Variants in MCPH1 observed in about 807,000 individuals in gnomAD.
MCPH1 encodes microcephalin.
MCPH1 carries 104 observed loss-of-function variants against 84.5 expected under a neutral mutation model. The observed-to-expected ratio is 1.23, with a 90% CI of 1.05 to 1.45. The LOEUF (loss-of-function observed/expected upper bound fraction) is 1.45, where lower values mean the gene tolerates loss of function less well. Ranked by LOEUF, MCPH1 falls within the 40% of genes most tolerant of loss-of-function variation. MCPH1 has a pLI of 0.00. For synonymous variants in MCPH1, 514 were observed against 366.8 expected, an observed-to-expected ratio of 1.40 and a Z score of -4.58; for missense variants, 1,498 against 1,005.7, an observed-to-expected ratio of 1.49 and a Z score of -6.62.
intron 2 of MCPH1, among the ~76,000 whole-genome samples, chr8:6,413,672 G>A (rs2440442): frequency 0.91 from 136,743 of 151,028 alleles, 63,000 homozygotes; most frequent in East Asian, 1. Context: ...TTTTACTTAT[G>A]TCATCTTTTC....
At chr8:6,562,058 C>T (rs754716826) in intron 12 of MCPH1, among the ~76,000 whole-genome samples, 1 of 152,196 alleles carries the variant, frequency 6.6e-6, no homozygotes, top group African/African-American at 2.4e-5. Context: ...ACGGCAAGCC[C>T]TTAGTGGTAG....
intron 12 of MCPH1, among the ~76,000 whole-genome samples, chr8:6,545,295 G>T (rs1014429367): frequency 6.6e-6 from 1 of 152,142 alleles, no homozygotes; most frequent in South Asian, 2.1e-4. Context: ...ATTTTTAAAA[G>T]TTATCAAGCT....
chr8:6,576,739 GT>G lies in MCPH1; in HGVS notation c.2215-44711del, dbSNP rs774988953. On this transcript the variant is annotated intron_variant, in intron 12 of 13. Transcript: ENST00000344683. ...TTTTTTTTTTTTTTAGTAGAGATGG[GT>G]TTTCACCATATTGGTCAGGGTGGTC... Among the ~76,000 whole-genome samples, 64 of 89,740 alleles carry G rather than the reference GT, an allele frequency of 7.1e-4. 1 individual carries two copies. The East Asian group carries it at 0.02, about 28-fold the overall frequency. The allele number at this position is 89,740 out of a possible 152,430, so 58.9% of individuals were successfully genotyped here.
intron 3 of MCPH1, among the ~76,000 whole-genome samples, chr8:6,426,929 C>T (rs902373305): frequency 6.6e-5 from 10 of 152,084 alleles, no homozygotes; most frequent in African/African-American, 2.2e-4. Context: ...TCAGGTATTG[C>T]TTGACGACAG....
intron 12 of MCPH1, among the ~76,000 whole-genome samples, chr8:6,608,467 G>A (rs566353737): frequency 5.9e-5 from 9 of 152,300 alleles, no homozygotes; most frequent in African/African-American, 1.9e-4. Flanking sequence ...CTTCAAGCTT[G>A]TTAGAACAGG....
rs1563257902 is a variant in MCPH1 at position 6,473,989 on chromosome 8, A to C, written c.1936-3605A>C. ...TGGCTTCTTCATAAAGAACTTGGAA[A>C]ATCTCACACTGAATATTGTCTTTTA... On this transcript the variant is annotated intron_variant, in intron 9 of 13. Coordinates refer to ENST00000344683, the MANE Select transcript of MCPH1 (RefSeq NM_024596.5). 6 of 984,750 alleles carry C rather than the reference A, an allele frequency of 6.1e-6. No homozygotes were observed. In the East Asian group the frequency reaches 1.4e-4, roughly 24 times the overall value. The allele number at this position is 984,750 out of a possible 1,614,324, so 61.0% of individuals were successfully genotyped here.
intron 3 of MCPH1, among the ~76,000 whole-genome samples, chr8:6,430,076 T>C (rs1008239682): frequency 6.6e-6 from 1 of 152,368 alleles, no homozygotes; most frequent in East Asian, 1.9e-4. Context: ...AGATGGAAGA[T>C]CTGTGTCCTC....
At chr8:6,446,584 C>G in intron 8 of MCPH1, 1 of 980,730 alleles carries the variant, frequency 1.0e-6, no homozygotes, top group African/African-American at 1.7e-5. Flanking sequence ...GTTCCATTAG[C>G]CTTAGTATGT....
chr8:6,640,854 G>C (rs1258014327), intron 13 of MCPH1, among the ~76,000 whole-genome samples: 2 of 152,154 alleles, frequency 1.3e-5, no homozygotes, highest in African/African-American at 2.4e-5. Context: ...TGTATAATGT[G>C]AGGGGACCAT....
At chr8:6,588,851 C>T (rs1828213511) in intron 12 of MCPH1, among the ~76,000 whole-genome samples, 1 of 152,256 alleles carries the variant, frequency 6.6e-6, no homozygotes, top group Non-Finnish European at 1.5e-5. Context: ...CCACGACAGG[C>T]AGGCTGGAGG....
rs1307241425 is a variant in MCPH1, at chr8:6,643,314, G to C, written c.*265G>C. 1 of 466,204 alleles carries C rather than the reference G, an allele frequency of 2.1e-6. No individual in the cohort carries two copies. The highest frequency in any genetic ancestry group is 3.9e-6 in the Non-Finnish European group (1 of 257,502). The allele number at this position is 466,204 out of a possible 1,614,324, so 28.9% of individuals were successfully genotyped here. On this transcript the variant is annotated 3_prime_UTR_variant, in exon 14 of 14. Coordinates refer to ENST00000344683, the MANE Select transcript of MCPH1 (RefSeq NM_024596.5). ...GAGTCCTGCCCTGTTTCCCAGGCTG[G>C]AGTGCAATGGCACAATCTCGGCTCA...
intron 11 of MCPH1, among the ~76,000 whole-genome samples, chr8:6,499,433 C>T (rs1186185726): frequency 8.6e-5 from 13 of 152,038 alleles, no homozygotes; most frequent in Admixed American, 8.5e-4. Context: ...AAAGGGATTG[C>T]TTTTGAATTT....
chr8:6,444,268 G>C, intron 7 of MCPH1, 125 bp from the exon 8 acceptor site: 1 of 1,082,200 alleles, frequency 9.2e-7, no homozygotes, highest in East Asian at 2.6e-5. Context: ...AAGAACTCAA[G>C]TGTGGTTAAT....
chr8:6,433,674 G>A (rs149383795), intron 4 of MCPH1, among the ~76,000 whole-genome samples: 1 of 146,128 alleles, frequency 6.8e-6, no homozygotes, highest in East Asian at 2.0e-4. Context: ...GTGATACTCT[G>A]ACCAATATTG....
chr8:6,473,529 C>T (rs1808041291), intron 9 of MCPH1, among the ~76,000 whole-genome samples: 2 of 152,002 alleles, frequency 1.3e-5, no homozygotes, highest in Admixed American at 6.6e-5. Context: ...GATGAGGTTT[C>T]ACAGTGTTAG....
chr8:6,520,618 A>G (rs1232462776), intron 12 of MCPH1, among the ~76,000 whole-genome samples: 2 of 151,874 alleles, frequency 1.3e-5, no homozygotes, highest in Non-Finnish European at 2.9e-5. Context: ...CTGGTCTCCA[A>G]CTCCTGTCCT....
At chr8:6,550,090 T>A (rs888162459) in intron 12 of MCPH1, among the ~76,000 whole-genome samples, 1 of 152,228 alleles carries the variant, frequency 6.6e-6, no homozygotes, top group African/African-American at 2.4e-5. Context: ...TCTACAACGC[T>A]GTCTTCAAAA....
intron 3 of MCPH1, among the ~76,000 whole-genome samples, chr8:6,427,147 G>A (rs1801177169): frequency 1.3e-5 from 2 of 152,144 alleles, no homozygotes; most frequent in African/African-American, 4.8e-5. Flanking sequence ...AGAAAAGGTA[G>A]AGTAAAAATA....
intron 12 of MCPH1, among the ~76,000 whole-genome samples, chr8:6,607,740 AT>A (rs1829907698): frequency 6.6e-6 from 1 of 152,020 alleles, no homozygotes; most frequent in African/African-American, 2.4e-5. Context: ...CTTGCTTCCC[AT>A]TTTTCTCTCT....
Sources: gnomAD v4.1 joint callset for allele counts (sites outside exome capture counted in the v4.1 genomes callset) on GRCh38, gnomAD v4.1.1 for gene constraint, MANE v1.5 for transcripts, NCBI Gene and HGNC (gene_info 2026-07-23, HGNC 2026-07-21) for gene names.